Variants in SCPEP1 observed in about 807,000 individuals in gnomAD.
SCPEP1 encodes retinoid-inducible serine carboxypeptidase.
In SCPEP1, 51 loss-of-function variants were observed where a neutral mutation model predicts 63.8. That is an observed-to-expected ratio of 0.80 (90% CI 0.64 to 1.01). The LOEUF (loss-of-function observed/expected upper bound fraction) is 1.01, where lower values mean the gene tolerates loss of function less well. Among genes scored for constraint, SCPEP1 ranks in the 50% least tolerant of loss-of-function variants. SCPEP1 has a pLI of 0.00. For missense variants in SCPEP1, 499 were observed against 554.9 expected (o/e 0.90, Z 1.01); for synonymous variants, 204 against 207.8 (o/e 0.98, Z 0.16).
chr17:56,999,982 A>T (rs1239900543), intron 10 of SCPEP1, among the ~76,000 whole-genome samples: 1 of 121,246 alleles, frequency 8.2e-6, no homozygotes, highest in East Asian at 2.2e-4. Context: ...AACTCTGTCT[A>T]AAAAAAAAAA....
rs752578177 is a variant in SCPEP1 at position 56,995,654 on chromosome 17, CAG to C, written c.786+22_786+23del. 9 of 1,611,866 alleles carry C rather than the reference CAG, an allele frequency of 5.6e-6. No individual in the cohort carries two copies. The highest frequency in any genetic ancestry group is 1.7e-5 in the Admixed American group (1 of 59,656). On this transcript the variant is annotated intron_variant, in intron 8 of 12. Coordinates refer to ENST00000262288, the MANE Select transcript of SCPEP1 (RefSeq NM_021626.3). ...TGAACAGGTAAAAAGGGGAAACACT[CAG>C]AGGCGAGCCTGCTTGGCTTTTTCTG...
At position 56,985,432 on chromosome 17, in the gene SCPEP1, C is replaced by T; in HGVS notation, c.280C>T (p.Leu94Phe). The part of the protein sequence containing the change: ...GFGNFEEIGP[L>F]DSDLKPRKTT... ...TGGAAACTTTGAGGAAATTGGGCCC[C>T]TTGACAGTGATCTCAAACCACGGAA... is the stretch of plus-strand genomic sequence containing the variant. The change falls in exon 3 of 13, where the codon CTT becomes TTT. Residue 94 changes from leucine (L) to phenylalanine (F), a missense_variant. Physicochemically the swap from Leu to Phe is conservative, Grantham distance 22. Coordinates refer to ENST00000262288, the MANE Select transcript of SCPEP1 (RefSeq NM_021626.3). The T allele has an allele frequency of 6.2e-7, 1 of 1,614,184 alleles. No homozygotes were observed. Among genetic ancestry groups the T allele is most frequent in the Non-Finnish European group, 8.5e-7 (1 of 1,180,012 alleles).
chr17:56,986,932 C>T, intron 3 of SCPEP1, among the ~76,000 whole-genome samples: 1 of 152,174 alleles, frequency 6.6e-6, no homozygotes, highest in Non-Finnish European at 1.5e-5. Flanking sequence ...GTGCTTGGTT[C>T]CAACAGAAGT....
intron 3 of SCPEP1, among the ~76,000 whole-genome samples, chr17:56,986,728 G>A (rs1911232060): frequency 6.6e-6 from 1 of 151,650 alleles, no homozygotes; most frequent in African/African-American, 2.4e-5. Flanking sequence ...TGTATTTTTA[G>A]TAGAGGTGGG....
chr17:56,985,413 CT>C lies in SCPEP1; in HGVS notation c.264del (p.Phe88LeufsTer38). ...PGGSSTGFGN[F>X]EEIGPLDSDL... is the part of the protein sequence containing the mutation. The stretch of plus-strand genomic sequence containing the variant: ...GCGGTTCTAGCACTGGATTTGGAAA[CT>C]TTGAGGAAATTGGGCCCCTTGACAG... On this transcript the variant is annotated frameshift_variant, in exon 3 of 13. Coordinates refer to ENST00000262288, the MANE Select transcript of SCPEP1 (RefSeq NM_021626.3). LOFTEE classifies it high-confidence loss of function. 6.2e-7 allele frequency: 1 copy of C among 1,614,192 alleles called. No homozygotes were observed. Among genetic ancestry groups the C allele is most frequent in the Non-Finnish European group, 8.5e-7 (1 of 1,180,026 alleles).
At chr17:56,988,913 G>A (rs1937359221) in intron 5 of SCPEP1, among the ~76,000 whole-genome samples, 1 of 152,106 alleles carries the variant, frequency 6.6e-6, no homozygotes, top group Non-Finnish European at 1.5e-5. Flanking sequence ...AGGACAGAAT[G>A]CAGTGGCCCA....
chr17:56,981,640 C>T (rs1027428309), intron 2 of SCPEP1, among the ~76,000 whole-genome samples: 16 of 152,174 alleles, frequency 1.1e-4, no homozygotes, highest in African/African-American at 3.1e-4. Context: ...CATAGTGAAA[C>T]GCTGTCTCTA....
Position 56,988,291 on chromosome 17 carries a change from G to A in SCPEP1, c.546+1G>A. On this transcript the variant is annotated splice_donor_variant, in intron 5 of 12. Transcript: ENST00000262288. LOFTEE classifies it high-confidence loss of function. The stretch of plus-strand genomic sequence containing the variant: ...TGGCATTGGTCTAGAGCTTTATAAG[G>A]TAATGGAAAATAACTTTGTTGTTAT... The A allele has an allele frequency of 6.2e-7, 1 of 1,604,700 alleles. No individual in the cohort carries two copies. The highest frequency in any genetic ancestry group is 1.7e-5 in the Admixed American group (1 of 59,020).
At position 56,987,382 on chromosome 17, in the gene SCPEP1, C is replaced by T. The variant is rs1042212503; in HGVS notation, c.316-313C>T. 2.4e-4 allele frequency: 53 copies of T among 223,854 alleles called. 1 individual carries two copies. Among genetic ancestry groups the T allele is most frequent in the African/African-American group, 1.1e-3 (47 of 43,256 alleles). 13.9% of individuals were successfully genotyped at this position (223,854 alleles called of 1,614,324 possible). ...TGCTTCTTTCTGCGCTAGTTTATTA[C>T]ATTTAGTACATTTGTATTGTATGAA... On this transcript the variant is annotated intron_variant, in intron 3 of 12. Coordinates refer to ENST00000262288, the MANE Select transcript of SCPEP1 (RefSeq NM_021626.3).
chr17:57,002,660 TAGCACCACTGCACTCC>T lies in SCPEP1; in HGVS notation c.1296+483_1296+498del, dbSNP rs1176709883. ...AGGTGGAGGCTGCAGTGAGCCGAGA[TAGCACCACTGCACTCC>T]AGCCTGGGCAACAGAGTGAGACTCT... is the stretch of plus-strand genomic sequence containing the variant. On this transcript the variant is annotated intron_variant, in intron 12 of 12. Coordinates refer to ENST00000262288, the MANE Select transcript of SCPEP1 (RefSeq NM_021626.3). Among the ~76,000 whole-genome samples the T allele has an allele frequency of 3.3e-5, 5 of 152,088 alleles. No homozygotes were observed. The East Asian group carries it at 9.7e-4, about 29-fold the overall frequency.
At chr17:56,996,115 A>C (rs1323263143) in intron 8 of SCPEP1, among the ~76,000 whole-genome samples, 1 of 151,832 alleles carries the variant, frequency 6.6e-6, no homozygotes. Context: ...GATGCTCACC[A>C]CTCCAGGGAG....
chr17:56,991,666 G>C (rs1246803405), intron 6 of SCPEP1, among the ~76,000 whole-genome samples: 1 of 152,370 alleles, frequency 6.6e-6, no homozygotes, highest in Non-Finnish European at 1.5e-5. Flanking sequence ...TTGAGCATCC[G>C]TGTTGCGAGC....
intron 9 of SCPEP1, 105 bp downstream of exon 9, chr17:56,997,160 C>G (rs1055363790): frequency 1.3e-5 from 9 of 667,310 alleles, no homozygotes; most frequent in African/African-American, 5.5e-5. Flanking sequence ...AATTTGCATA[C>G]CATAAAATTA....
chr17:56,989,551 A>G (rs982303526), intron 5 of SCPEP1, among the ~76,000 whole-genome samples: 1 of 152,224 alleles, frequency 6.6e-6, no homozygotes, highest in South Asian at 2.1e-4. Flanking sequence ...GCCATTGTTT[A>G]TAATGTTTAT....
chr17:57,000,763 C>T lies in SCPEP1; in HGVS notation c.995-92C>T, dbSNP rs184997644. 1.6e-4 allele frequency: 229 copies of T among 1,442,480 alleles called. 2 individuals carry two copies. In the African/African-American group the frequency reaches 2.1e-3, roughly 13 times the overall value. 89.4% of individuals were successfully genotyped at this position (1,442,480 alleles called of 1,614,324 possible). On this transcript the variant is annotated intron_variant, in intron 10 of 12. Coordinates refer to ENST00000262288, the MANE Select transcript of SCPEP1 (RefSeq NM_021626.3). ...AGCATCTGTGCATTCAGTCGTTGTTCGGTGCTGGAGCCCAAGATGCTCTGG... is the reference window on the plus strand; with the variant it reads ...AGCATCTGTGCATTCAGTCGTTGTTTGGTGCTGGAGCCCAAGATGCTCTGG...
chr17:57,005,238 A>T (rs1911848740), intron 12 of SCPEP1, among the ~76,000 whole-genome samples: 1 of 152,178 alleles, frequency 6.6e-6, no homozygotes, highest in African/African-American at 2.4e-5. Context: ...CCAATGAGGG[A>T]TGCTCAGCCT....
chr17:56,986,221 CT>C lies in SCPEP1; in HGVS notation c.315+769del, dbSNP rs869281244. ...CGCATTAGAAGCTAAGCTTTCTGCT[CT>C]TTTTTTTTTTTTTTGGAAATGGAAT... On this transcript the variant is annotated intron_variant, in intron 3 of 12. Transcript: ENST00000262288. Among the ~76,000 whole-genome samples the C allele has an allele frequency of 5.3e-3, 747 of 142,020 alleles. 6 individuals carry two copies. Among genetic ancestry groups the C allele is most frequent in the Non-Finnish European group, 7.8e-3 (505 of 64,536 alleles). 93.2% of individuals were successfully genotyped at this position (142,020 alleles called of 152,430 possible).
chr17:56,981,996 C>T (rs144348981), intron 2 of SCPEP1, among the ~76,000 whole-genome samples: 193 of 152,306 alleles, frequency 1.3e-3, no homozygotes, highest in African/African-American at 4.4e-3. Context: ...GTGACTGTTG[C>T]GCCTTCCCCC....
At chr17:56,982,981 C>T (rs1242903706) in intron 2 of SCPEP1, 1 of 152,034 alleles carries the variant, frequency 6.6e-6, no homozygotes. Context: ...GCTGACTTCT[C>T]TCGGGGGAAT....
Sources: allele counts gnomAD v4.1 joint callset (sites outside exome capture counted in the v4.1 genomes callset), GRCh38; gene constraint gnomAD v4.1.1; transcripts MANE v1.5; gene names NCBI Gene and HGNC (gene_info 2026-07-23, HGNC 2026-07-21).